Variants in STAC observed in about 807,000 individuals in gnomAD.
STAC encodes the protein SH3 and cysteine-rich domain-containing protein.
Under a neutral mutation model 48.8 loss-of-function variants are expected in STAC, and 43 were observed. That is an observed-to-expected ratio of 0.88 (90% CI 0.69 to 1.14). The LOEUF (loss-of-function observed/expected upper bound fraction) is 1.14, where lower values mean the gene tolerates loss of function less well. STAC is among the 50% of genes most tolerant of loss of function. The probability of loss-of-function intolerance (pLI) is 0.00; values close to 1 mark genes in which losing one functional copy is unlikely to be tolerated. For missense variants in STAC, 497 were observed against 504.0 expected (o/e 0.99, Z 0.13); for synonymous variants, 193 against 179.5 (o/e 1.07, Z -0.60).
chr3:36,443,237 A>G lies in STAC; in HGVS notation c.112-127A>G. On this transcript the variant is annotated intron_variant, in intron 1 of 10. Transcript: ENST00000273183. This position sits in a 1 kb window ranked among gnomAD's most constrained non-coding sequence, Gnocchi z 4.2. ...TCACCCCACCCACACAGGGACATTT[A>G]TGAGCCTCCTCAAGACGGAGGGTGT... 1.8e-6 allele frequency: 2 copies of G among 1,128,752 alleles called. No individual in the cohort carries two copies. Among genetic ancestry groups the G allele is most frequent in the Non-Finnish European group, 2.5e-6 (2 of 800,196 alleles). 69.9% of individuals were successfully genotyped at this position (1,128,752 alleles called of 1,614,324 possible).
chr3:36,540,679 G>T (rs1415660781), intron 10 of STAC, among the ~76,000 whole-genome samples: 1 of 152,148 alleles, frequency 6.6e-6, no homozygotes, highest in Non-Finnish European at 1.5e-5. Context: ...CAGCCACAGG[G>T]AGCTGAACGC....
At chr3:36,416,016 G>A (rs1392062175) in intron 1 of STAC, among the ~76,000 whole-genome samples, 1 of 151,966 alleles carries the variant, frequency 6.6e-6, no homozygotes, top group Admixed American at 6.5e-5. Context: ...ATCTAGTTGG[G>A]CTATTACTCT....
intron 2 of STAC, among the ~76,000 whole-genome samples, chr3:36,462,845 G>A (rs192502972): frequency 4.6e-4 from 70 of 152,186 alleles, no homozygotes; most frequent in African/African-American, 1.4e-3. Flanking sequence ...TTTCACATGT[G>A]TATTCCTTAT....
chr3:36,491,154 T>TTTTTA (rs148963850), intron 5 of STAC, among the ~76,000 whole-genome samples: 2,665 of 152,346 alleles, frequency 0.017, 22 homozygotes, highest in Non-Finnish European at 0.021. Context: ...CATCCTGCAT[T>TTTTTA]TTTTATTTTA....
intron 2 of STAC, among the ~76,000 whole-genome samples, chr3:36,459,879 T>C (rs1455370044): frequency 6.6e-6 from 1 of 152,168 alleles, no homozygotes; most frequent in Admixed American, 6.5e-5. Context: ...ATTCTAGCTC[T>C]ACCACTCACT....
intron 2 of STAC, among the ~76,000 whole-genome samples, chr3:36,461,442 G>A (rs748195907): frequency 5.9e-5 from 9 of 152,248 alleles, no homozygotes; most frequent in East Asian, 5.8e-4. Flanking sequence ...AAAGATCTTC[G>A]CTCTCAAAGA....
rs1559493452 is a variant in STAC, at chr3:36,443,700, G to A, written c.388+60G>A. On this transcript the variant is annotated intron_variant, in intron 2 of 10. Transcript: ENST00000273183. This position sits in a 1 kb window ranked among gnomAD's most constrained non-coding sequence, Gnocchi z 4.2. ...ACCCCCGGAAAGCTGAGTGAGAGTG[G>A]TGTGCCACGGGTCCAGGTACCTACG... 1.3e-6 allele frequency: 2 copies of A among 1,583,566 alleles called. No homozygotes were observed. Among genetic ancestry groups the A allele is most frequent in the Non-Finnish European group, 1.7e-6 (2 of 1,168,702 alleles).
chr3:36,393,228 G>C (rs1047911580), intron 1 of STAC, among the ~76,000 whole-genome samples: 7 of 152,054 alleles, frequency 4.6e-5, no homozygotes, highest in Admixed American at 1.3e-4. Flanking sequence ...ACCCATTTTA[G>C]GTTCTTAGAT....
At chr3:36,384,511 A>G (rs1284486999) in intron 1 of STAC, among the ~76,000 whole-genome samples, 2 of 152,140 alleles carry the variant, frequency 1.3e-5, no homozygotes, top group Non-Finnish European at 2.9e-5. Context: ...TATTTTCTCT[A>G]TTTGTTTCAA....
At chr3:36,413,773 T>A (rs1395586094) in intron 1 of STAC, among the ~76,000 whole-genome samples, 2 of 152,254 alleles carry the variant, frequency 1.3e-5, no homozygotes, top group African/African-American at 4.8e-5. Flanking sequence ...CTAGCATCAA[T>A]AGTCTTTACA....
intron 1 of STAC, among the ~76,000 whole-genome samples, chr3:36,429,377 G>T (rs552020403): frequency 6.6e-6 from 1 of 152,270 alleles, no homozygotes; most frequent in East Asian, 1.9e-4. Context: ...CATGAGGGGC[G>T]CCAGAGCAGA....
At chr3:36,457,046 GC>G (rs1696873987) in intron 2 of STAC, among the ~76,000 whole-genome samples, 1 of 152,168 alleles carries the variant, frequency 6.6e-6, no homozygotes. Flanking sequence ...CGATCATGCT[GC>G]CTAGTTTGAC....
rs182088315 is a variant in STAC at position 36,422,424 on chromosome 3, C to T, written c.112-20940C>T. Reference sequence around the variant, plus strand: ...ATTATAAGCCTTCAATAAATGCTGGCCATTGTCAGCCTTAGCATCACCATT... The same window carrying T: ...ATTATAAGCCTTCAATAAATGCTGGTCATTGTCAGCCTTAGCATCACCATT... On this transcript the variant is annotated intron_variant, in intron 1 of 10. Coordinates refer to ENST00000273183, the MANE Select transcript of STAC (RefSeq NM_003149.3). Among the ~76,000 whole-genome samples the T allele has an allele frequency of 2.7e-3, 414 of 152,150 alleles. 4 individuals are homozygous for T. The highest frequency in any genetic ancestry group is 6.2e-3 in the South Asian group (30 of 4,822).
In STAC at chr3:36,525,987, AT is replaced by A. The variant is rs560234022; in HGVS notation, c.921-2701del. ...AATTCCTAAACATGTCAGAAAATAC[AT>A]TTTTTTTAACACATCTATAACAGTA... On this transcript the variant is annotated intron_variant, in intron 8 of 10. Coordinates refer to ENST00000273183, the MANE Select transcript of STAC (RefSeq NM_003149.3). 1.6e-3 allele frequency among the ~76,000 whole-genome samples: 249 copies of A among 152,152 alleles called. 1 individual carries two copies. Among genetic ancestry groups the A allele is most frequent in the Non-Finnish European group, 2.6e-3 (179 of 67,986 alleles).
intron 1 of STAC, among the ~76,000 whole-genome samples, chr3:36,442,993 C>T (rs1194936370): frequency 1.3e-5 from 2 of 152,128 alleles, no homozygotes; most frequent in African/African-American, 2.4e-5. Context: ...CCTTTGAGCC[C>T]ATGAGTTTGT....
At chr3:36,484,224 C>G (rs1462840722) in intron 3 of STAC, among the ~76,000 whole-genome samples, 1 of 152,144 alleles carries the variant, frequency 6.6e-6, no homozygotes, top group Admixed American at 6.5e-5. Context: ...TCCTTCACCC[C>G]CTCCCATCAC....
chr3:36,422,137 AAG>A (rs1317292656), intron 1 of STAC, among the ~76,000 whole-genome samples: 2 of 106,000 alleles, frequency 1.9e-5, no homozygotes, highest in African/African-American at 3.6e-5. Context: ...TAAATGAAAA[AAG>A]AGTTTCCCAA....
In STAC at chr3:36,528,858, A is replaced by G. The variant is rs914479723; in HGVS notation, c.983A>G (p.Gln328Arg). ...SNEDWWKGKI[Q>R]DRIGFFPANF... The stretch of plus-strand genomic sequence containing the variant: ...CCTTTTTCCTTTCAGGGGAAAATTC[A>G]AGACAGAATTGGCTTCTTTCCAGCC... The change falls in exon 10 of 11, where the codon CAA becomes CGA. Residue 328 changes from glutamine (Q) to arginine (R), a missense_variant. Physicochemically the swap from Gln to Arg is conservative, Grantham distance 43. Coordinates refer to ENST00000273183, the MANE Select transcript of STAC (RefSeq NM_003149.3). 1.2e-6 allele frequency: 2 copies of G among 1,613,094 alleles called. No homozygotes were observed. The highest frequency in any genetic ancestry group is 1.7e-6 in the Non-Finnish European group (2 of 1,179,398).
At chr3:36,466,885 T>G (rs1697192605) in intron 2 of STAC, among the ~76,000 whole-genome samples, 1 of 152,014 alleles carries the variant, frequency 6.6e-6, no homozygotes. Context: ...ACTACTATGT[T>G]GAATAGAAAT....
Sources: allele counts gnomAD v4.1 joint callset (sites outside exome capture counted in the v4.1 genomes callset), GRCh38; gene constraint gnomAD v4.1.1; non-coding constraint Gnocchi (gnomAD v3.1); transcripts MANE v1.5; gene names NCBI Gene and HGNC (gene_info 2026-07-23, HGNC 2026-07-21).